The following PTK7 variants were observed in gnomAD, a reference collection of about 807,000 sequenced individuals.
PTK7 encodes the protein inactive tyrosine-protein kinase 7.
A neutral mutation model predicts 116.6 loss-of-function variants in PTK7; 39 were observed. The ratio of observed to expected loss-of-function variants is 0.33; its 90% CI spans 0.26 to 0.44. The LOEUF (loss-of-function observed/expected upper bound fraction) is 0.44. Ranked by LOEUF, PTK7 falls within the 20% of genes least tolerant of loss-of-function variation. The pLI, the probability that PTK7 is intolerant of heterozygous loss-of-function variation, is 1.00. For synonymous variants in PTK7, 546 were observed against 563.6 expected, an observed-to-expected ratio of 0.97 and a Z score of 0.44; for missense variants, 1,169 against 1,425.6, an observed-to-expected ratio of 0.82 and a Z score of 2.90.
At chr6:43,132,190 A>G (rs1235594963) in intron 6 of PTK7, 26 bp downstream of exon 6, 2 of 1,579,136 alleles carry the variant, frequency 1.3e-6, no homozygotes, top group Non-Finnish European at 1.7e-6. Flanking sequence ...TGGGGTGCTG[A>G]TGTGGGAGGC....
At position 43,156,365 on chromosome 6, in the gene PTK7, G is replaced by A. The variant is rs146000799; in HGVS notation, c.2722-2452G>A. 2.3e-3 allele frequency among the ~76,000 whole-genome samples: 354 copies of A among 152,104 alleles called. 3 individuals are homozygous for A. Among genetic ancestry groups the A allele is most frequent in the African/African-American group, 7.7e-3 (319 of 41,504 alleles). Reference sequence around the variant, plus strand: ...ACCTGTGATCCCAGCAGTTTGGGAGGCAGAGATGGAAGGATTGCTTGATCC... The same window carrying A: ...ACCTGTGATCCCAGCAGTTTGGGAGACAGAGATGGAAGGATTGCTTGATCC... On this transcript the variant is annotated intron_variant, in intron 17 of 19. Transcript: ENST00000230419.
rs149317590 is a variant in PTK7 at position 43,155,470 on chromosome 6, G to A, written c.2722-3347G>A. 7.3e-3 allele frequency among the ~76,000 whole-genome samples: 1,109 copies of A among 151,930 alleles called. 9 individuals are homozygous for A. The highest frequency in any genetic ancestry group is 0.025 in the African/African-American group (1,049 of 41,432). On this transcript the variant is annotated intron_variant, in intron 17 of 19. Transcript: ENST00000230419. ...AGCCTGGCCAACATGGTGAAACTTC[G>A]TTTCTACTAGAAAAAATACAAAAGT... is the stretch of plus-strand genomic sequence containing the variant.
Position 43,129,060 on chromosome 6 carries a change from G to A in PTK7, c.163G>A (p.Val55Ile). The change falls in exon 2 of 20, where the codon GTT becomes ATT. Residue 55 changes from valine to isoleucine, a missense_variant. Physicochemically the swap from Val to Ile is conservative, Grantham distance 29. Around this residue, in one of 3 missense-constraint regions of PTK7, gnomAD observed 487 missense variants for 549.8 expected, o/e 0.89. Coordinates refer to ENST00000230419, the MANE Select transcript of PTK7 (RefSeq NM_002821.5). The surrounding 1 kb of genome is among the most constrained non-coding windows in gnomAD (Gnocchi z 4.5). ...GCGCCGGGCGCTGCTTCGCTGTGAG[G>A]TTGAGGCTCCGGGCCCGGTACATGT... ...QGRRALLRCE[V>I]EAPGPVHVYW... 2 of 1,614,210 alleles carry A rather than the reference G, an allele frequency of 1.2e-6. No individual in the cohort carries two copies. The highest frequency in any genetic ancestry group is 1.7e-6 in the Non-Finnish European group (2 of 1,180,038).
At chr6:43,142,129 C>A (rs769046605) in intron 12 of PTK7, 43 bp from the exon 13 acceptor site, 4 of 1,611,914 alleles carry the variant, frequency 2.5e-6, no homozygotes, top group South Asian at 2.2e-5. Context: ...CTGCAGCCCC[C>A]CTCCCTGCGA....
Position 43,130,280 on chromosome 6 carries a change from G to C in PTK7, c.521G>C (p.Ser174Thr). The C allele has an allele frequency of 6.2e-7, 1 of 1,608,708 alleles. No individual in the cohort carries two copies. The highest frequency in any genetic ancestry group is 8.5e-7 in the Non-Finnish European group (1 of 1,176,328). ...RDGTPLSDGQ[S>T]NHTVSSKERN... ...GGGACCCCCCTTTCTGATGGTCAGA[G>C]CAACCACACAGTCAGCAGCAAGGAG... Residue 174 changes from serine (S) to threonine (T), a missense_variant, in exon 4 of 20, where the codon AGC becomes ACC. Physicochemically the swap from Ser to Thr is moderately conservative, Grantham distance 58 (BLOSUM62 1). This residue lies in a region of PTK7 where 487 missense variants were observed against 549.8 expected (regional missense o/e 0.89). Coordinates refer to ENST00000230419, the MANE Select transcript of PTK7 (RefSeq NM_002821.5).
intron 1 of PTK7, among the ~76,000 whole-genome samples, chr6:43,112,422 CTCTG>C (rs1195910922): frequency 2.0e-5 from 3 of 151,952 alleles, no homozygotes; most frequent in Non-Finnish European, 2.9e-5. Context: ...GGGAGTGTCT[CTCTG>C]TCTGTGTCTC....
In PTK7 at chr6:43,144,702, C is replaced by T. The variant is rs1770625849; in HGVS notation, c.2407+96C>T. On this transcript the variant is annotated intron_variant, in intron 15 of 19. Transcript: ENST00000230419. ...GGCTAGTGTTCTGAAGTCCCTGAAA[C>T]CTAGAATGTTAGAGGTGGAGGGAAG... 4 of 1,431,708 alleles carry T rather than the reference C, an allele frequency of 2.8e-6. No individual in the cohort carries two copies. In the Admixed American group the frequency reaches 9.0e-5, roughly 32 times the overall value. The allele number at this position is 1,431,708 out of a possible 1,614,324, so 88.7% of individuals were successfully genotyped here. A position where few individuals can be genotyped will look rare whatever the true frequency, so the allele number is the denominator to read the frequency against.
chr6:43,134,988 G>GA (rs1304426963), intron 7 of PTK7, among the ~76,000 whole-genome samples: 1 of 151,640 alleles, frequency 6.6e-6, no homozygotes, highest in Non-Finnish European at 1.5e-5. Context: ...TTGAAAAAAA[G>GA]AAAAAAAATG....
At chr6:43,096,339 C>CGAAA (rs1767249618) in intron 1 of PTK7, among the ~76,000 whole-genome samples, 1 of 152,124 alleles carries the variant, frequency 6.6e-6, no homozygotes, top group Non-Finnish European at 1.5e-5. Flanking sequence ...TTGGGTTCTT[C>CGAAA]ACACTGTCTC....
In PTK7 at chr6:43,129,518, C is replaced by G. The variant is rs1372729825; in HGVS notation, c.368-209C>G. Reference sequence around the variant, plus strand: ...TGCAAATGGAAAGGGCGGCCGAGCCCTTGGCCAAGTGTCAGACTTGACCTG... The same window carrying G: ...TGCAAATGGAAAGGGCGGCCGAGCCGTTGGCCAAGTGTCAGACTTGACCTG... On this transcript the variant is annotated intron_variant, in intron 2 of 19. Transcript: ENST00000230419. The surrounding 1 kb of genome is among the most constrained non-coding windows in gnomAD (Gnocchi z 4.5). The G allele has an allele frequency of 8.0e-5, 56 of 699,580 alleles. 1 individual carries two copies. In the South Asian group the frequency reaches 1.0e-3, roughly 13 times the overall value. 43.3% of individuals were successfully genotyped at this position (699,580 alleles called of 1,614,324 possible).
rs1770606802 is a variant in PTK7, at chr6:43,144,455, G to A, written c.2256G>A (p.Gly752=). The change falls in exon 15 of 20, where the codon GGG becomes GGA. Residue 752 remains glycine (G), a synonymous_variant. Coordinates refer to ENST00000230419, the MANE Select transcript of PTK7 (RefSeq NM_002821.5). The part of the protein sequence containing the change: ...EEPEMECLNG[G]PLQNGQPSAE... ...TCTTGTCCTCCTCCTTCCCAGGTGG[G>A]CCTTTGCAGAACGGGCAGCCCTCAG... 1.2e-6 allele frequency: 2 copies of A among 1,614,030 alleles called. No individual in the cohort carries two copies. The highest frequency in any genetic ancestry group is 8.5e-7 in the Non-Finnish European group (1 of 1,180,042).
Position 43,129,378 on chromosome 6 carries a change from G to C in PTK7, c.367+114G>C. The C allele has an allele frequency of 7.6e-7, 1 of 1,311,052 alleles. No individual in the cohort carries two copies. Among genetic ancestry groups the C allele is most frequent in the South Asian group, 1.4e-5 (1 of 70,210 alleles). 81.2% of individuals were successfully genotyped at this position (1,311,052 alleles called of 1,614,324 possible). Reference sequence around the variant, plus strand: ...CATTTCCAGTTAAACGGGCCAGGCAGAATGCATTTATCATCAGCTTTTTTT... The same window carrying C: ...CATTTCCAGTTAAACGGGCCAGGCACAATGCATTTATCATCAGCTTTTTTT... On this transcript the variant is annotated intron_variant, in intron 2 of 19. Transcript: ENST00000230419. This position sits in a 1 kb window ranked among gnomAD's most constrained non-coding sequence, Gnocchi z 4.5.
At position 43,143,260 on chromosome 6, in the gene PTK7, T is replaced by C. The variant is rs1236969539; in HGVS notation, c.2048-157T>C. ...GTCTTCGTTTGACCTTGGTGGGGCATGAGGACCTGCTGGCCCTTGTTAAAG... is the reference window on the plus strand; with the variant it reads ...GTCTTCGTTTGACCTTGGTGGGGCACGAGGACCTGCTGGCCCTTGTTAAAG... On this transcript the variant is annotated intron_variant, in intron 13 of 19. Coordinates refer to ENST00000230419, the MANE Select transcript of PTK7 (RefSeq NM_002821.5). The surrounding 1 kb of genome is among the most constrained non-coding windows in gnomAD (Gnocchi z 4.2). The C allele has an allele frequency of 1.5e-6, 1 of 663,292 alleles. No homozygotes were observed. The highest frequency in any genetic ancestry group is 2.6e-6 in the Non-Finnish European group (1 of 391,582). The allele number at this position is 663,292 out of a possible 1,614,324, so 41.1% of individuals were successfully genotyped here.
chr6:43,157,356 A>ATT (rs1717817800), intron 17 of PTK7, among the ~76,000 whole-genome samples: 1 of 3,196 alleles, frequency 3.1e-4, no homozygotes, highest in Admixed American at 6.0e-3. Context: ...ATATATATAT[A>ATT]TATATATATT....
intron 1 of PTK7, among the ~76,000 whole-genome samples, chr6:43,092,605 A>G (rs1767011903): frequency 6.6e-6 from 1 of 152,156 alleles, no homozygotes; most frequent in Non-Finnish European, 1.5e-5. Flanking sequence ...ACTGTATATA[A>G]CATTGTGCCT....
At chr6:43,137,445 A>G (rs766016291) in intron 7 of PTK7, among the ~76,000 whole-genome samples, 4 of 152,198 alleles carry the variant, frequency 2.6e-5, no homozygotes, top group Non-Finnish European at 4.4e-5. Context: ...AGATAGTTCT[A>G]TTGACTGAGA....
At chr6:43,153,675 C>T (rs1341613460) in intron 17 of PTK7, among the ~76,000 whole-genome samples, 6 of 151,812 alleles carry the variant, frequency 4.0e-5, no homozygotes, top group East Asian at 3.9e-4. Flanking sequence ...CTTCTTAAAC[C>T]GCTGGAATTA....
chr6:43,112,707 C>T lies in PTK7; in HGVS notation c.80-16270C>T, dbSNP rs541243207. Reference sequence around the variant, plus strand: ...GGGATTACAGGTGTGAGCCACTGCACCCGGCCCCATTTTAGATTTGGGAAA... The same window carrying T: ...GGGATTACAGGTGTGAGCCACTGCATCCGGCCCCATTTTAGATTTGGGAAA... On this transcript the variant is annotated intron_variant, in intron 1 of 19. Coordinates refer to ENST00000230419, the MANE Select transcript of PTK7 (RefSeq NM_002821.5). Among the ~76,000 whole-genome samples, 3 of 152,272 alleles carry T rather than the reference C, an allele frequency of 2.0e-5. No individual in the cohort carries two copies. The South Asian group carries it at 6.2e-4, about 32-fold the overall frequency.
Position 43,154,599 on chromosome 6 carries a change from A to G in PTK7, c.2722-4218A>G, listed in dbSNP as rs117613619. ...GGCTAAGATTCCCTAAATTGGTTTC[A>G]TGACATAGAGATTGTGACCATAGTT... On this transcript the variant is annotated intron_variant, in intron 17 of 19. Coordinates refer to ENST00000230419, the MANE Select transcript of PTK7 (RefSeq NM_002821.5). 8.5e-5 allele frequency among the ~76,000 whole-genome samples: 13 copies of G among 152,064 alleles called. No homozygotes were observed. In the East Asian group the frequency reaches 2.5e-3, roughly 29 times the overall value.
Sources: allele counts gnomAD v4.1 joint callset (sites outside exome capture counted in the v4.1 genomes callset), GRCh38; gene constraint gnomAD v4.1.1; regional missense constraint gnomAD v4.1.1; non-coding constraint Gnocchi (gnomAD v3.1); transcripts MANE v1.5; gene names NCBI Gene and HGNC (gene_info 2026-07-23, HGNC 2026-07-21).